The following GRIA4 variants were observed in gnomAD, a reference collection of about 807,000 sequenced individuals.
The protein encoded by GRIA4 is glutamate ionotropic receptor AMPA type subunit 4.
In GRIA4, 34 loss-of-function variants were observed where a neutral mutation model predicts 104.0. The ratio of observed to expected loss-of-function variants is 0.33; its 90% CI spans 0.25 to 0.44. The LOEUF (loss-of-function observed/expected upper bound fraction) is 0.44, where lower values mean the gene tolerates loss of function less well. Ranked by LOEUF, GRIA4 falls within the 20% of genes least tolerant of loss-of-function variation. The probability of loss-of-function intolerance (pLI) is 1.00; values close to 1 mark genes in which losing one functional copy is unlikely to be tolerated. For missense variants in GRIA4, 750 were observed against 1,096.5 expected, an observed-to-expected ratio of 0.68 and a Z score of 4.46; for synonymous variants, 386 against 381.9, an observed-to-expected ratio of 1.01 and a Z score of -0.13.
intron 8 of GRIA4, 25 bp downstream of exon 8, chr11:105,904,006 C>T (rs758682950): frequency 1.5e-5 from 23 of 1,487,880 alleles, no homozygotes; most frequent in Non-Finnish European, 2.0e-5. Context: ...TATTTAAGTT[C>T]AATTCATTTC....
At chr11:105,867,733 A>T (rs1192325503) in intron 5 of GRIA4, among the ~76,000 whole-genome samples, 1 of 152,228 alleles carries the variant, frequency 6.6e-6, no homozygotes, top group Non-Finnish European at 1.5e-5. Flanking sequence ...AGAAGAAACA[A>T]AAAGAAGCAC....
chr11:105,708,590 A>G (rs1953793774), intron 3 of GRIA4, among the ~76,000 whole-genome samples: 1 of 152,094 alleles, frequency 6.6e-6, no homozygotes, highest in Non-Finnish European at 1.5e-5. Flanking sequence ...TGATATTTTG[A>G]TTGGTTACCA....
At chr11:105,788,751 G>C (rs1274995972) in intron 4 of GRIA4, among the ~76,000 whole-genome samples, 1 of 152,116 alleles carries the variant, frequency 6.6e-6, no homozygotes, top group Non-Finnish European at 1.5e-5. Context: ...AAAGGGATGA[G>C]GTTGGGGATA....
At chr11:105,808,618 C>G (rs907422449) in intron 4 of GRIA4, among the ~76,000 whole-genome samples, 1 of 152,014 alleles carries the variant, frequency 6.6e-6, no homozygotes, top group Non-Finnish European at 1.5e-5. Context: ...ATCAGATCCA[C>G]AGACAAACAA....
intron 3 of GRIA4, among the ~76,000 whole-genome samples, chr11:105,750,407 A>G (rs1939929907): frequency 6.6e-6 from 1 of 152,172 alleles, no homozygotes; most frequent in Non-Finnish European, 1.5e-5. Context: ...TGCGAGTGAC[A>G]GAATACATCA....
chr11:105,856,336 C>A (rs1339106081), intron 4 of GRIA4, among the ~76,000 whole-genome samples: 1 of 152,106 alleles, frequency 6.6e-6, no homozygotes, highest in South Asian at 2.1e-4. Flanking sequence ...ATATCCCTTG[C>A]CTGTTCACCT....
At chr11:105,862,666 A>G (rs561321697) in intron 5 of GRIA4, 6 of 105,322 alleles carry the variant, frequency 5.7e-5, no homozygotes, top group Non-Finnish European at 1.1e-4. Flanking sequence ...GGAATACTGT[A>G]TATAATTTAG....
chr11:105,782,361 C>A (rs1163861816), intron 4 of GRIA4, among the ~76,000 whole-genome samples: 2 of 152,152 alleles, frequency 1.3e-5, no homozygotes, highest in African/African-American at 4.8e-5. Flanking sequence ...ACTAAGAAAT[C>A]CTCAGCTTCT....
At position 105,862,087 on chromosome 11, in the gene GRIA4, T is replaced by C. The variant is rs755898149; in HGVS notation, c.551T>C (p.Ile184Thr). ...AGQNGWHVSA[I>T]CVENFNDVSY... ...CAAAATGGTTGGCATGTCAGCGCTATATGTGTGGAAAATTTTAATGATGTC... is the reference window on the plus strand; with the variant it reads ...CAAAATGGTTGGCATGTCAGCGCTACATGTGTGGAAAATTTTAATGATGTC... The change falls in exon 5 of 17, where the codon ATA (isoleucine) becomes ACA (threonine). Residue 184 changes from isoleucine (I) to threonine (T), a missense_variant. Around this residue, in one of 3 missense-constraint regions of GRIA4, gnomAD observed 410 missense variants for 502.7 expected, o/e 0.82. Transcript: ENST00000282499. 8.7e-6 allele frequency: 14 copies of C among 1,611,026 alleles called. No individual in the cohort carries two copies. Among genetic ancestry groups the C allele is most frequent in the Non-Finnish European group, 1.7e-6 (2 of 1,177,400 alleles).
intron 4 of GRIA4, among the ~76,000 whole-genome samples, chr11:105,807,341 C>G (rs1942993088): frequency 6.6e-6 from 1 of 151,836 alleles, no homozygotes. Flanking sequence ...CTAGATAGCT[C>G]AGTCCTCATC....
intron 3 of GRIA4, among the ~76,000 whole-genome samples, chr11:105,663,121 A>T (rs1436337925): frequency 1.3e-5 from 2 of 151,938 alleles, no homozygotes; most frequent in Non-Finnish European, 2.9e-5. Context: ...TTTAAAAAGG[A>T]CAACTGTCTT....
chr11:105,741,481 T>A (rs1033121966), intron 3 of GRIA4, among the ~76,000 whole-genome samples: 1 of 152,138 alleles, frequency 6.6e-6, no homozygotes, highest in Non-Finnish European at 1.5e-5. Context: ...TATTTCAATA[T>A]TTTAAAATGG....
At chr11:105,685,236 C>T (rs985009880) in intron 3 of GRIA4, among the ~76,000 whole-genome samples, 4 of 151,986 alleles carry the variant, frequency 2.6e-5, no homozygotes, top group Admixed American at 6.6e-5. Flanking sequence ...CTCCTTAGGA[C>T]GCACTTAGAA....
Position 105,653,149 on chromosome 11 carries a change from G to A in GRIA4, c.247+40715G>A, listed in dbSNP as rs539443766. On this transcript the variant is annotated intron_variant, in intron 3 of 16. Coordinates refer to ENST00000282499, the MANE Select transcript of GRIA4 (RefSeq NM_000829.4). Reference sequence around the variant, plus strand: ...GATGGTCTCGATCTCCTGACCTTGTGATCTGCCCGCCTCGGCCTCCCAAAG... The same window carrying A: ...GATGGTCTCGATCTCCTGACCTTGTAATCTGCCCGCCTCGGCCTCCCAAAG... Among the ~76,000 whole-genome samples the A allele has an allele frequency of 3.9e-5, 6 of 152,304 alleles. No homozygotes were observed. In the South Asian group the frequency reaches 1.2e-3, roughly 32 times the overall value.
At chr11:105,693,529 G>T (rs993483453) in intron 3 of GRIA4, among the ~76,000 whole-genome samples, 6 of 151,996 alleles carry the variant, frequency 3.9e-5, no homozygotes, top group African/African-American at 1.2e-4. Context: ...TCTTACTGAT[G>T]GCCAGAGTAA....
intron 3 of GRIA4, among the ~76,000 whole-genome samples, chr11:105,688,286 C>T (rs540785516): frequency 2.1e-4 from 32 of 152,170 alleles, no homozygotes; most frequent in African/African-American, 7.7e-4. Flanking sequence ...TGGCTGGGCA[C>T]GGCGGCTCAC....
intron 3 of GRIA4, among the ~76,000 whole-genome samples, chr11:105,640,467 T>G (rs1365585673): frequency 1.3e-5 from 2 of 151,944 alleles, no homozygotes; most frequent in Non-Finnish European, 2.9e-5. Flanking sequence ...TTTACTATTT[T>G]ATAGACACTT....
At chr11:105,890,753 G>A (rs1165822978) in intron 6 of GRIA4, among the ~76,000 whole-genome samples, 1 of 152,148 alleles carries the variant, frequency 6.6e-6, no homozygotes, top group African/African-American at 2.4e-5. Context: ...AGCTATGCCT[G>A]ATATCTAATT....
intron 3 of GRIA4, among the ~76,000 whole-genome samples, chr11:105,615,716 T>C (rs75201381): frequency 1.3e-5 from 2 of 151,766 alleles, no homozygotes; most frequent in Admixed American, 1.3e-4. Context: ...CAAACAAAAA[T>C]GCTAGTTTAA....
Sources: allele counts gnomAD v4.1 joint callset (sites outside exome capture counted in the v4.1 genomes callset), GRCh38; gene constraint gnomAD v4.1.1; regional missense constraint gnomAD v4.1.1; transcripts MANE v1.5; gene names NCBI Gene and HGNC (gene_info 2026-07-23, HGNC 2026-07-21).